Variants in RAP1GDS1 observed in about 807,000 individuals in gnomAD.
RAP1GDS1 encodes the protein RAP1, GTP-GDP dissociation stimulator 1.
RAP1GDS1 carries 35 observed loss-of-function variants against 71.1 expected under a neutral mutation model. That is an observed-to-expected ratio of 0.49 (90% CI 0.38 to 0.65). The LOEUF (loss-of-function observed/expected upper bound fraction) is 0.65. RAP1GDS1 is among the 30% of genes least tolerant of loss of function. The pLI is 0.00. For missense variants in RAP1GDS1, 663 were observed against 706.1 expected (o/e 0.94, Z 0.69); for synonymous variants, 229 against 243.1 (o/e 0.94, Z 0.54).
chr4:98,398,847 A>T (rs745948335), intron 6 of RAP1GDS1, among the ~76,000 whole-genome samples: 10 of 152,198 alleles, frequency 6.6e-5, no homozygotes, highest in Admixed American at 6.5e-5. Flanking sequence ...TATAAAACAT[A>T]TAGGAATAAA....
At chr4:98,331,165 A>G (rs543373258) in intron 2 of RAP1GDS1, among the ~76,000 whole-genome samples, 26 of 152,308 alleles carry the variant, frequency 1.7e-4, no homozygotes, top group Admixed American at 1.4e-3. Flanking sequence ...GCGTGGCGGC[A>G]TGTGCCTGCA....
chr4:98,398,163 T>G (rs1187073089), intron 6 of RAP1GDS1, among the ~76,000 whole-genome samples: 1 of 151,910 alleles, frequency 6.6e-6, no homozygotes, highest in Non-Finnish European at 1.5e-5. Flanking sequence ...GAAAAGAGCT[T>G]GAGCATTAAG....
At chr4:98,413,728 T>A (rs2110175150) in intron 7 of RAP1GDS1, among the ~76,000 whole-genome samples, 2 of 152,290 alleles carry the variant, frequency 1.3e-5, no homozygotes, top group Middle Eastern at 3.4e-3. Context: ...CATTTGGGTA[T>A]ATACCCAGTA....
intron 5 of RAP1GDS1, chr4:98,387,507 G>GGTAA (rs1268265215): frequency 2.2e-6 from 1 of 455,668 alleles, no homozygotes; most frequent in Non-Finnish European, 4.4e-6. Flanking sequence ...AATGTAGGTA[G>GGTAA]GTAAGTGTTC....
intron 6 of RAP1GDS1, among the ~76,000 whole-genome samples, chr4:98,399,253 A>G (rs1343170916): frequency 2.0e-5 from 3 of 152,238 alleles, no homozygotes. Context: ...TGCAAAGCAC[A>G]GAAAACAACA....
chr4:98,326,130 T>G lies in RAP1GDS1; in HGVS notation c.113-17009T>G, dbSNP rs540641258. On this transcript the variant is annotated intron_variant, in intron 2 of 14. Transcript: ENST00000408927. ...TTACTTTTTTTTAAAGTGCTTTGGT[T>G]TGATATTTCTTTCATTCATTTCTCA... Among the ~76,000 whole-genome samples the G allele has an allele frequency of 2.3e-4, 35 of 151,034 alleles. No homozygotes were observed. The East Asian group carries it at 6.6e-3, about 28-fold the overall frequency.
intron 3 of RAP1GDS1, among the ~76,000 whole-genome samples, chr4:98,347,628 A>G (rs1477740750): frequency 6.6e-6 from 1 of 152,182 alleles, no homozygotes; most frequent in South Asian, 2.1e-4. Context: ...GTTGATTTCT[A>G]TTCACTGTCA....
chr4:98,381,872 C>T (rs1032207578), intron 5 of RAP1GDS1, among the ~76,000 whole-genome samples: 1 of 151,454 alleles, frequency 6.6e-6, no homozygotes, highest in Non-Finnish European at 1.5e-5. Context: ...CAAAAATCCA[C>T]CAACATAGTT....
At chr4:98,441,242 T>A (rs1751824800) in intron 14 of RAP1GDS1, 1 of 713,582 alleles carries the variant, frequency 1.4e-6, no homozygotes, top group African/African-American at 1.9e-5. Flanking sequence ...CTGATTACAT[T>A]AAGCTTATTA....
chr4:98,405,482 A>G (rs1745983270), intron 7 of RAP1GDS1, among the ~76,000 whole-genome samples: 1 of 152,094 alleles, frequency 6.6e-6, no homozygotes, highest in African/African-American at 2.4e-5. Context: ...AAAAAATGAG[A>G]CATTCTCATA....
intron 3 of RAP1GDS1, among the ~76,000 whole-genome samples, chr4:98,345,167 C>G (rs1736038910): frequency 6.6e-6 from 1 of 152,072 alleles, no homozygotes; most frequent in South Asian, 2.1e-4. Flanking sequence ...TACGTAACTT[C>G]AGAAATGCAA....
intron 1 of RAP1GDS1, among the ~76,000 whole-genome samples, chr4:98,273,892 A>G (rs939365816): frequency 3.3e-5 from 5 of 152,206 alleles, no homozygotes; most frequent in African/African-American, 1.2e-4. Context: ...TTGCATGGTT[A>G]AATGGATTTT....
In RAP1GDS1 at chr4:98,433,985, C is replaced by A; in HGVS notation, c.1490C>A (p.Thr497Asn). ...VQSGGIKHLV[T>N]MATSEHVIMQ... Reference sequence around the variant, plus strand: ...AGTGGTGGCATCAAGCATCTAGTTACCATGGCAACTAGTGAACATGTAATA... The same window carrying A: ...AGTGGTGGCATCAAGCATCTAGTTAACATGGCAACTAGTGAACATGTAATA... The change falls in exon 13 of 15, where the codon ACC (threonine) becomes AAC (asparagine). Residue 497 changes from threonine (T) to asparagine (N), a missense_variant. Coordinates refer to ENST00000408927, the MANE Select transcript of RAP1GDS1 (RefSeq NM_001100427.2). The A allele has an allele frequency of 6.2e-7, 1 of 1,612,610 alleles. No individual in the cohort carries two copies. The highest frequency in any genetic ancestry group is 8.5e-7 in the Non-Finnish European group (1 of 1,178,650).
chr4:98,317,989 C>T (rs1349941976), intron 2 of RAP1GDS1, among the ~76,000 whole-genome samples: 1 of 151,816 alleles, frequency 6.6e-6, no homozygotes, highest in Non-Finnish European at 1.5e-5. Context: ...ATTACAAGTG[C>T]ACACCACCAC....
At chr4:98,306,111 A>G (rs1049073018) in intron 2 of RAP1GDS1, among the ~76,000 whole-genome samples, 5 of 152,222 alleles carry the variant, frequency 3.3e-5, no homozygotes, top group Non-Finnish European at 7.3e-5. Flanking sequence ...CTGTGGGAGT[A>G]GTCTGTGGAC....
At chr4:98,436,508 T>A (rs1751158270) in intron 13 of RAP1GDS1, among the ~76,000 whole-genome samples, 1 of 152,166 alleles carries the variant, frequency 6.6e-6, no homozygotes, top group Non-Finnish European at 1.5e-5. Context: ...TGAGTCCTTA[T>A]CTTTTATTTG....
intron 12 of RAP1GDS1, among the ~76,000 whole-genome samples, chr4:98,424,302 G>C (rs766237630): frequency 3.9e-5 from 6 of 151,996 alleles, no homozygotes; most frequent in Admixed American, 1.3e-4. Flanking sequence ...TGGTTTGCAG[G>C]GGTATACAAT....
chr4:98,270,711 C>A (rs1723327881), intron 1 of RAP1GDS1, among the ~76,000 whole-genome samples: 2 of 150,710 alleles, frequency 1.3e-5, no homozygotes, highest in Admixed American at 1.3e-4. Context: ...CGCAGTTCCA[C>A]TTCCATGTGG....
chr4:98,261,417 A>T lies in RAP1GDS1; in HGVS notation c.-149A>T, dbSNP rs1485784544. ...CCGCCGCGGCCGCGCCGCCTGCAGC[A>T]GCACCAGCTGCTCCTCCCCGGCGGC... On this transcript the variant is annotated 5_prime_UTR_variant, in exon 1 of 15. Transcript: ENST00000408927. The T allele has an allele frequency of 6.8e-6, 3 of 439,468 alleles. No individual in the cohort carries two copies. The East Asian group carries it at 1.7e-4, about 25-fold the overall frequency. The allele number at this position is 439,468 out of a possible 1,614,324, so 27.2% of individuals were successfully genotyped here. A position where few individuals can be genotyped will look rare whatever the true frequency, so the allele number is the denominator to read the frequency against.
Sources: allele counts gnomAD v4.1 joint callset (sites outside exome capture counted in the v4.1 genomes callset), GRCh38; gene constraint gnomAD v4.1.1; transcripts MANE v1.5; gene names NCBI Gene and HGNC (gene_info 2026-07-23, HGNC 2026-07-21).